Variants in RBMS3 observed in about 807,000 individuals in gnomAD.
RBMS3 encodes the protein RNA-binding motif, single-stranded-interacting protein 3.
RBMS3 carries 27 observed loss-of-function variants against 66.8 expected under a neutral mutation model. That is an observed-to-expected ratio of 0.40 (90% CI 0.30 to 0.56). RBMS3 has a LOEUF of 0.56. RBMS3 is among the 20% of genes least tolerant of loss of function. The pLI, the probability that RBMS3 is intolerant of heterozygous loss-of-function variation, is 0.40. For synonymous variants in RBMS3, 188 were observed against 183.0 expected (o/e 1.03, Z -0.22); for missense variants, 513 against 549.5 (o/e 0.93, Z 0.66).
chr3:30,003,979 G>GT lies in RBMS3; in HGVS notation c.*119dup, dbSNP rs1446262871. On this transcript the variant is annotated 3_prime_UTR_variant, in exon 15 of 15. Transcript: ENST00000383767. The stretch of plus-strand genomic sequence containing the variant: ...TGGAATGCATTTTTTTGTTGTTGTT[G>GT]TTGTTTTTTTTTTAGTGTTATACCT... 46 of 932,536 alleles carry GT rather than the reference G, an allele frequency of 4.9e-5. No homozygotes were observed. In the African/African-American group the frequency reaches 6.2e-4, roughly 13 times the overall value. 57.8% of individuals were successfully genotyped at this position (932,536 alleles called of 1,614,324 possible).
intron 2 of RBMS3, among the ~76,000 whole-genome samples, chr3:29,482,486 A>G (rs1024845362): frequency 6.6e-6 from 1 of 152,114 alleles, no homozygotes; most frequent in Non-Finnish European, 1.5e-5. Context: ...ATTCAGTCAA[A>G]CTACTACTTA....
chr3:29,578,863 G>A (rs1026799847), intron 3 of RBMS3, among the ~76,000 whole-genome samples: 3 of 139,610 alleles, frequency 2.1e-5, no homozygotes, highest in Admixed American at 1.5e-4. Flanking sequence ...CTGCAGTGGC[G>A]CAATCTCGGC....
At chr3:29,944,443 G>A (rs35921382) in intron 12 of RBMS3, among the ~76,000 whole-genome samples, 189 bp downstream of exon 12, 86,459 of 151,424 alleles carry the variant, frequency 0.57, 27,320 homozygotes, top group Non-Finnish European at 0.72. Flanking sequence ...TTATATATCT[G>A]GAAAATAAAT....
intron 4 of RBMS3, among the ~76,000 whole-genome samples, chr3:29,609,945 G>A (rs1297084248): frequency 6.6e-6 from 1 of 152,020 alleles, no homozygotes; most frequent in Non-Finnish European, 1.5e-5. Flanking sequence ...TGAGGTGCAC[G>A]TAGAGCTTTT....
intron 12 of RBMS3, among the ~76,000 whole-genome samples, chr3:29,946,718 A>G (rs1695338334): frequency 6.6e-6 from 1 of 151,610 alleles, no homozygotes; most frequent in Non-Finnish European, 1.5e-5. Flanking sequence ...AGTGAGTGAG[A>G]GAAGGCACAT....
At chr3:29,800,336 G>T (rs891220441) in intron 6 of RBMS3, among the ~76,000 whole-genome samples, 2 of 152,066 alleles carry the variant, frequency 1.3e-5, no homozygotes, top group African/African-American at 4.8e-5. Context: ...TGAGAGGAAA[G>T]AGTTTAGCAG....
intron 4 of RBMS3, among the ~76,000 whole-genome samples, chr3:29,713,856 A>G (rs1256646265): frequency 1.3e-5 from 2 of 152,090 alleles, no homozygotes; most frequent in East Asian, 3.9e-4. Flanking sequence ...GGAGTTCAAG[A>G]CCAGCCTGGG....
chr3:29,344,401 C>T lies in RBMS3; in HGVS notation c.75+62645C>T, dbSNP rs151040469. Among the ~76,000 whole-genome samples, 79 of 152,218 alleles carry T rather than the reference C, an allele frequency of 5.2e-4. 1 individual carries two copies. Among genetic ancestry groups the T allele is most frequent in the East Asian group, 2.3e-3 (12 of 5,174 alleles). ...AAAGTAGAACAGACACTCCAAAAAA[C>T]GTAGTATTTCTCTTAACAAAACAAG... On this transcript the variant is annotated intron_variant, in intron 1 of 14. Transcript: ENST00000383767.
chr3:29,459,396 G>T (rs1284059166), intron 2 of RBMS3, among the ~76,000 whole-genome samples: 1 of 152,096 alleles, frequency 6.6e-6, no homozygotes, highest in Non-Finnish European at 1.5e-5. Context: ...CCCTTTGTCA[G>T]CTGAATAATT....
chr3:29,343,685 A>T (rs1468396491), intron 1 of RBMS3, among the ~76,000 whole-genome samples: 1 of 152,196 alleles, frequency 6.6e-6, no homozygotes, highest in Non-Finnish European at 1.5e-5. Flanking sequence ...CACTGAGGAA[A>T]ACCAGTTCAA....
At chr3:29,693,781 A>C (rs1027992996) in intron 4 of RBMS3, among the ~76,000 whole-genome samples, 1 of 152,216 alleles carries the variant, frequency 6.6e-6, no homozygotes, top group African/African-American at 2.4e-5. Flanking sequence ...TTTGATCAAT[A>C]ATTTCAGATT....
intron 14 of RBMS3, among the ~76,000 whole-genome samples, chr3:29,992,201 GAAA>G (rs560949148): frequency 6.6e-6 from 1 of 151,840 alleles, no homozygotes; most frequent in Non-Finnish European, 1.5e-5. Context: ...TCTTATTAAA[GAAA>G]AAAAATATTC....
At chr3:29,640,998 T>C (rs981491510) in intron 4 of RBMS3, 1 of 151,860 alleles carries the variant, frequency 6.6e-6, no homozygotes, top group Non-Finnish European at 1.5e-5. Context: ...CCTTGGCCAA[T>C]TGCACAAAAT....
At chr3:29,483,524 G>A (rs1467453460) in intron 2 of RBMS3, among the ~76,000 whole-genome samples, 1 of 152,024 alleles carries the variant, frequency 6.6e-6, no homozygotes, top group Non-Finnish European at 1.5e-5. Context: ...AGATTTCTGG[G>A]GGTGGAGTCT....
At chr3:29,754,637 A>G (rs1002507127) in intron 5 of RBMS3, among the ~76,000 whole-genome samples, 5 of 152,206 alleles carry the variant, frequency 3.3e-5, no homozygotes, top group Admixed American at 2.6e-4. Context: ...CTTAAATAAC[A>G]TAAGTACAGA....
chr3:29,425,235 G>A (rs1250263164), intron 1 of RBMS3, among the ~76,000 whole-genome samples: 33 of 146,786 alleles, frequency 2.2e-4, no homozygotes, highest in Admixed American at 6.1e-4. Flanking sequence ...AAAAACAGGC[G>A]TGGTGTCACC....
chr3:29,563,577 T>G (rs2046632282), intron 3 of RBMS3, among the ~76,000 whole-genome samples: 1 of 152,158 alleles, frequency 6.6e-6, no homozygotes, highest in Admixed American at 6.5e-5. Flanking sequence ...AACAAAACAC[T>G]TTGATGTATT....
chr3:29,958,528 G>A (rs750694463), intron 12 of RBMS3, among the ~76,000 whole-genome samples: 60 of 151,736 alleles, frequency 4.0e-4, no homozygotes, highest in Non-Finnish European at 7.5e-4. Flanking sequence ...TGATGCCCTC[G>A]AACTTGGCTA....
intron 2 of RBMS3, among the ~76,000 whole-genome samples, chr3:29,484,038 T>C (rs1280397311): frequency 6.6e-6 from 1 of 152,236 alleles, no homozygotes; most frequent in African/African-American, 2.4e-5. Context: ...GTCTGCTCTT[T>C]GTAACACTGT....
Sources: allele counts gnomAD v4.1 joint callset (sites outside exome capture counted in the v4.1 genomes callset), GRCh38; gene constraint gnomAD v4.1.1; transcripts MANE v1.5; gene names NCBI Gene and HGNC (gene_info 2026-07-23, HGNC 2026-07-21).